Variants in GFRAL observed in about 807,000 individuals in gnomAD.
The protein encoded by GFRAL is GDNF family receptor alpha-like.
In GFRAL, 36 loss-of-function variants were observed where a neutral mutation model predicts 45.4. The observed-to-expected ratio is 0.79, with a 90% CI of 0.61 to 1.05. The LOEUF (loss-of-function observed/expected upper bound fraction) is 1.05. Among genes scored for constraint, GFRAL ranks in the 50% least tolerant of loss-of-function variants. The pLI, the probability that GFRAL is intolerant of heterozygous loss-of-function variation, is 0.00. For synonymous variants in GFRAL, 166 were observed against 154.1 expected, an observed-to-expected ratio of 1.08 and a Z score of -0.57; for missense variants, 507 against 467.5, an observed-to-expected ratio of 1.08 and a Z score of -0.78.
chr6:55,390,895 TACAC>T (rs34769114), intron 6 of GFRAL, among the ~76,000 whole-genome samples: 2,130 of 135,538 alleles, frequency 0.016, 43 homozygotes, highest in African/African-American at 0.051. Context: ...CTCACACACA[TACAC>T]ACACACACAC....
At chr6:55,366,927 G>A (rs1278779508) in intron 6 of GFRAL, among the ~76,000 whole-genome samples, 1 of 76,206 alleles carries the variant, frequency 1.3e-5, no homozygotes, top group African/African-American at 7.4e-5. Context: ...GTTGATTTGG[G>A]GTGGAGAGTT....
rs183851122 is a variant in GFRAL, at chr6:55,380,318, C to T, written c.953-18862C>T. Among the ~76,000 whole-genome samples the T allele has an allele frequency of 4.6e-5, 7 of 152,064 alleles. No homozygotes were observed. In the East Asian group the frequency reaches 9.7e-4, roughly 21 times the overall value. ...AACTCTATTAGTAACAATCTTTCCACTATTAATGAAGAAACATGGTCACAA... is the reference window on the plus strand; with the variant it reads ...AACTCTATTAGTAACAATCTTTCCATTATTAATGAAGAAACATGGTCACAA... On this transcript the variant is annotated intron_variant, in intron 6 of 8. Transcript: ENST00000340465.
At chr6:55,370,606 T>C (rs1444754311) in intron 6 of GFRAL, among the ~76,000 whole-genome samples, 3 of 152,232 alleles carry the variant, frequency 2.0e-5, no homozygotes, top group East Asian at 1.9e-4. Context: ...GATAATTCTC[T>C]AGGGAGCAGT....
At chr6:55,370,911 G>T (rs547171450) in intron 6 of GFRAL, among the ~76,000 whole-genome samples, 1 of 152,302 alleles carries the variant, frequency 6.6e-6, no homozygotes, top group Non-Finnish European at 1.5e-5. Flanking sequence ...GTGTGTTTCT[G>T]TGTCTTGCCA....
At chr6:55,387,485 A>G (rs1162926817) in intron 6 of GFRAL, among the ~76,000 whole-genome samples, 4 of 152,236 alleles carry the variant, frequency 2.6e-5, no homozygotes, top group African/African-American at 7.2e-5. Context: ...TGACAACAAT[A>G]TAATAGCATC....
Position 55,397,851 on chromosome 6 carries a change from C to G in GFRAL, c.953-1329C>G, listed in dbSNP as rs578103597. 4.9e-3 allele frequency among the ~76,000 whole-genome samples: 750 copies of G among 152,284 alleles called. 5 individuals carry two copies. The highest frequency in any genetic ancestry group is 0.017 in the African/African-American group (705 of 41,560). The stretch of plus-strand genomic sequence containing the variant: ...TTCTGGTCAATGACAGACAGACAGA[C>G]TATACATCAGTGGTCCCATAAGATT... On this transcript the variant is annotated intron_variant, in intron 6 of 8. Coordinates refer to ENST00000340465, the MANE Select transcript of GFRAL (RefSeq NM_207410.2).
intron 6 of GFRAL, among the ~76,000 whole-genome samples, chr6:55,365,908 T>C (rs1448064026): frequency 6.8e-6 from 1 of 146,896 alleles, no homozygotes; most frequent in East Asian, 2.0e-4. Context: ...TCTCTTTTTT[T>C]GTTGTGTCCC....
At chr6:55,400,028 G>A (rs1007265094) in intron 8 of GFRAL, among the ~76,000 whole-genome samples, 1 of 152,040 alleles carries the variant, frequency 6.6e-6, no homozygotes, top group African/African-American at 2.4e-5. Context: ...TGCTCCAGCA[G>A]GCATGTGAGA....
chr6:55,387,834 C>T (rs1027941331), intron 6 of GFRAL, among the ~76,000 whole-genome samples: 2 of 152,176 alleles, frequency 1.3e-5, no homozygotes, highest in African/African-American at 4.8e-5. Context: ...GTCATATTTA[C>T]AGCTAATAAG....
At chr6:55,357,580 AG>A (rs1768211848) in intron 5 of GFRAL, among the ~76,000 whole-genome samples, 1 of 151,664 alleles carries the variant, frequency 6.6e-6, no homozygotes, top group Non-Finnish European at 1.5e-5. Flanking sequence ...TGCTTCTTAG[AG>A]GTAACAGATC....
rs142171356 is a variant in GFRAL, at chr6:55,351,396, C to T, written c.514C>T (p.Arg172Trp). The T allele has an allele frequency of 1.7e-4, 274 of 1,613,632 alleles. No homozygotes were observed. In the African/African-American group the frequency reaches 2.3e-3, roughly 13 times the overall value. Residue 172 changes from arginine (R) to tryptophan (W), a missense_variant, in exon 5 of 9, where the codon CGG becomes TGG. Physicochemically the swap from Arg to Trp is moderately radical, Grantham distance 101. Transcript: ENST00000340465. ...CDLKQCQAAI[R>W]FFYQNIPFNI... ...TCTGAAACAGTGCCAAGCAGCCATA[C>T]GGTTCTTCTATCAAAATATACCTTT...
intron 6 of GFRAL, among the ~76,000 whole-genome samples, chr6:55,393,412 G>T (rs1472036284): frequency 6.6e-6 from 1 of 152,084 alleles, no homozygotes; most frequent in Non-Finnish European, 1.5e-5. Flanking sequence ...TAAAAACTCT[G>T]CCTCTTCTAA....
At chr6:55,367,761 A>T (rs1362805114) in intron 6 of GFRAL, among the ~76,000 whole-genome samples, 1 of 151,728 alleles carries the variant, frequency 6.6e-6, no homozygotes, top group Admixed American at 6.6e-5. Flanking sequence ...AGAATGTTGA[A>T]TATTGGCCCC....
intron 5 of GFRAL, among the ~76,000 whole-genome samples, chr6:55,358,323 T>G (rs997684981): frequency 2.6e-5 from 4 of 151,974 alleles, no homozygotes; most frequent in African/African-American, 9.7e-5. Flanking sequence ...AAAATGAAAT[T>G]AGTGTACATT....
chr6:55,355,075 TA>T (rs1768170372), intron 5 of GFRAL, among the ~76,000 whole-genome samples: 1 of 152,080 alleles, frequency 6.6e-6, no homozygotes, highest in African/African-American at 2.4e-5. Flanking sequence ...TAAATACTTT[TA>T]AATATGTATG....
At chr6:55,340,972 A>G (rs1767956514) in intron 3 of GFRAL, among the ~76,000 whole-genome samples, 1 of 152,170 alleles carries the variant, frequency 6.6e-6, no homozygotes, top group South Asian at 2.1e-4. Flanking sequence ...AGCGAGGCTG[A>G]GGGAGGGACG....
intron 3 of GFRAL, among the ~76,000 whole-genome samples, chr6:55,347,787 GC>G (rs140707759): frequency 6.6e-6 from 1 of 151,962 alleles, no homozygotes; most frequent in Non-Finnish European, 1.5e-5. Context: ...TTTTCTTCTT[GC>G]TTCCATGGGT....
intron 6 of GFRAL, among the ~76,000 whole-genome samples, chr6:55,395,958 G>A (rs1768819783): frequency 6.6e-6 from 1 of 151,978 alleles, no homozygotes; most frequent in Non-Finnish European, 1.5e-5. Flanking sequence ...CAGGGTACAA[G>A]TTAAGATAAA....
intron 6 of GFRAL, among the ~76,000 whole-genome samples, chr6:55,391,581 G>A (rs1289399208): frequency 6.6e-6 from 1 of 152,072 alleles, no homozygotes; most frequent in Non-Finnish European, 1.5e-5. Flanking sequence ...GCAAGGCCTT[G>A]TCTCTAGAAA....
Sources: gnomAD v4.1 joint callset for allele counts (sites outside exome capture counted in the v4.1 genomes callset) on GRCh38, gnomAD v4.1.1 for gene constraint, MANE v1.5 for transcripts, NCBI Gene and HGNC (gene_info 2026-07-23, HGNC 2026-07-21) for gene names.